Variants in PRDM11 observed in about 807,000 individuals in gnomAD.
The protein encoded by PRDM11 is PR/SET domain 11.
Under a neutral mutation model 97.8 loss-of-function variants are expected in PRDM11, and 20 were observed. The observed-to-expected ratio is 0.20, with a 90% CI of 0.14 to 0.30. The LOEUF (loss-of-function observed/expected upper bound fraction) is 0.30. PRDM11 is among the 10% of genes least tolerant of loss of function. PRDM11 has a pLI of 1.00. For synonymous variants in PRDM11, 599 were observed against 637.7 expected (o/e 0.94, Z 0.91); for missense variants, 1,139 against 1,555.2 (o/e 0.73, Z 4.50).
chr11:45,153,168 G>T (rs1851702395), intron 1 of PRDM11, among the ~76,000 whole-genome samples: 1 of 152,228 alleles, frequency 6.6e-6, no homozygotes, highest in South Asian at 2.1e-4. Flanking sequence ...TTCCCCGAGT[G>T]TGCCTGACTT....
intron 1 of PRDM11, among the ~76,000 whole-genome samples, chr11:45,150,009 C>A (rs959608857): frequency 1.3e-5 from 2 of 152,162 alleles, no homozygotes; most frequent in African/African-American, 4.8e-5. Context: ...AGCTTATAAA[C>A]CCCTGCCTGA....
intron 1 of PRDM11, among the ~76,000 whole-genome samples, chr11:45,121,489 C>G (rs1852428770): frequency 6.6e-6 from 1 of 152,044 alleles, no homozygotes; most frequent in African/African-American, 2.4e-5. Flanking sequence ...AATTCAAAAT[C>G]AGAGTTACAG....
intron 1 of PRDM11, among the ~76,000 whole-genome samples, chr11:45,154,078 G>A (rs1351138909): frequency 4.6e-5 from 7 of 152,180 alleles, no homozygotes; most frequent in Admixed American, 4.6e-4. Flanking sequence ...ATTTGGGCTG[G>A]GCACAGTGGC....
At chr11:45,220,882 C>T (rs986021417) in intron 6 of PRDM11, among the ~76,000 whole-genome samples, 1 of 152,072 alleles carries the variant, frequency 6.6e-6, no homozygotes, top group South Asian at 2.1e-4. Context: ...TGAGTCCAGG[C>T]CCTTCTTTCA....
Position 45,205,137 on chromosome 11 carries a change from T to C in PRDM11, c.554+359T>C, listed in dbSNP as rs371293805. ...AGAGCAGGCTCCTGCAGGGGTGGTG[T>C]GAGAATCGTCCCAGTGCAGCCCCAG... On this transcript the variant is annotated intron_variant, in intron 5 of 7. Coordinates refer to ENST00000683152, the MANE Select transcript of PRDM11 (RefSeq NM_001384648.1). Among the ~76,000 whole-genome samples, 7 of 152,136 alleles carry C rather than the reference T, an allele frequency of 4.6e-5. No individual in the cohort carries two copies. The South Asian group carries it at 8.3e-4, about 18-fold the overall frequency.
At chr11:45,115,973 ATAT>A (rs1159195279) in intron 1 of PRDM11, among the ~76,000 whole-genome samples, 1 of 152,032 alleles carries the variant, frequency 6.6e-6, no homozygotes, top group Non-Finnish European at 1.5e-5. Flanking sequence ...TAGAGCAGTG[ATAT>A]TATTATCAGG....
chr11:45,137,233 G>A (rs894615386), intron 1 of PRDM11, among the ~76,000 whole-genome samples: 15 of 151,552 alleles, frequency 9.9e-5, no homozygotes, highest in Non-Finnish European at 1.6e-4. Flanking sequence ...AGGAATTTGA[G>A]ACCAGCCTTG....
At chr11:45,147,394 G>C (rs750631738) in intron 1 of PRDM11, 6 of 152,198 alleles carry the variant, frequency 3.9e-5, no homozygotes, top group Non-Finnish European at 7.4e-5. Context: ...CGGGGTGCTC[G>C]GGGATGAAGG....
intron 5 of PRDM11, among the ~76,000 whole-genome samples, chr11:45,218,845 G>T (rs1854030355): frequency 6.6e-6 from 1 of 152,206 alleles, no homozygotes; most frequent in South Asian, 2.1e-4. Context: ...CCACATAGGA[G>T]CCATGAGTTA....
chr11:45,173,773 C>T (rs977977997), intron 1 of PRDM11, among the ~76,000 whole-genome samples: 13 of 152,172 alleles, frequency 8.5e-5, no homozygotes, highest in Non-Finnish European at 1.8e-4. Context: ...CAGCAGGAGC[C>T]TCCACTGGCT....
chr11:45,169,289 G>T (rs891489295), intron 1 of PRDM11, among the ~76,000 whole-genome samples: 2 of 152,208 alleles, frequency 1.3e-5, no homozygotes, highest in Admixed American at 1.3e-4. Context: ...CATGCATCTG[G>T]TATAAAATTC....
chr11:45,157,174 TG>T (rs902826327), intron 1 of PRDM11, among the ~76,000 whole-genome samples: 1 of 152,080 alleles, frequency 6.6e-6, no homozygotes, highest in African/African-American at 2.4e-5. Flanking sequence ...CTTAGAGCAG[TG>T]GTCTCCAACC....
intron 1 of PRDM11, among the ~76,000 whole-genome samples, chr11:45,156,367 G>C (rs1398262848): frequency 2.0e-5 from 3 of 152,200 alleles, no homozygotes; most frequent in African/African-American, 7.2e-5. Context: ...GCGGCCCCTT[G>C]TGCTCTGGGG....
chr11:45,158,241 G>A (rs1851847920), intron 1 of PRDM11, among the ~76,000 whole-genome samples: 1 of 152,198 alleles, frequency 6.6e-6, no homozygotes. Context: ...ACCAAGGTGT[G>A]CCTGGGCCTG....
intron 1 of PRDM11, among the ~76,000 whole-genome samples, chr11:45,174,442 T>C (rs1852279633): frequency 6.6e-6 from 1 of 151,794 alleles, no homozygotes; most frequent in African/African-American, 2.4e-5. Context: ...GCAGTCTTTT[T>C]AGTAGACATG....
chr11:45,183,083 T>G lies in PRDM11; in HGVS notation c.446T>G (p.Ile149Ser). 6.2e-7 allele frequency: 1 copy of G among 1,613,936 alleles called. No homozygotes were observed. The highest frequency in any genetic ancestry group is 8.5e-7 in the Non-Finnish European group (1 of 1,179,992). Residue 149 changes from isoleucine to serine, a missense_variant, in exon 4 of 8, where the codon ATC becomes AGC. Coordinates refer to ENST00000683152, the MANE Select transcript of PRDM11 (RefSeq NM_001384648.1). ...GHIFGPYEGQ[I>S]STQDKSAGFF... ...ATCTTCGGCCCCTATGAGGGGCAGATCTCCACCCAGGACAAATCAGCTGGC... is the reference window on the plus strand; with the variant it reads ...ATCTTCGGCCCCTATGAGGGGCAGAGCTCCACCCAGGACAAATCAGCTGGC...
intron 4 of PRDM11, among the ~76,000 whole-genome samples, chr11:45,195,856 A>G (rs1002878853): frequency 3.3e-5 from 5 of 152,120 alleles, no homozygotes; most frequent in Non-Finnish European, 5.9e-5. Context: ...GGTTACAGGC[A>G]TGAGACACCA....
In PRDM11 at chr11:45,233,145, G is replaced by A. The variant is rs1171566877; in HGVS notation, c.*4986G>A. 6.6e-6 allele frequency: 1 copy of A among 152,144 alleles called. No homozygotes were observed. Among genetic ancestry groups the A allele is most frequent in the Non-Finnish European group, 1.5e-5 (1 of 68,050 alleles). 9.4% of individuals were successfully genotyped at this position (152,144 alleles called of 1,614,324 possible). ...TTTATACATTTCTATGTTTTAAATA[G>A]ATATAAAAATAGAGTCTATAGAGCT... is the stretch of plus-strand genomic sequence containing the variant. On this transcript the variant is annotated 3_prime_UTR_variant, in exon 8 of 8. Coordinates refer to ENST00000683152, the MANE Select transcript of PRDM11 (RefSeq NM_001384648.1).
chr11:45,097,369 T>C (rs186716688), intron 1 of PRDM11, among the ~76,000 whole-genome samples: 8 of 152,350 alleles, frequency 5.3e-5, no homozygotes, highest in Admixed American at 5.2e-4. Flanking sequence ...GTCTGAGGAA[T>C]AGTAGCTACC....
Sources: allele counts gnomAD v4.1 joint callset (sites outside exome capture counted in the v4.1 genomes callset), GRCh38; gene constraint gnomAD v4.1.1; transcripts MANE v1.5; gene names NCBI Gene and HGNC (gene_info 2026-07-23, HGNC 2026-07-21).